The following CELF2 variants were observed in gnomAD, a reference collection of about 807,000 sequenced individuals.
CELF2 encodes the protein CUGBP Elav-like family member 2, also known as CUG triplet repeat RNA-binding protein 2.
In CELF2, 8 loss-of-function variants were observed where a neutral mutation model predicts 62.6. The ratio of observed to expected loss-of-function variants is 0.13; its 90% CI spans 0.07 to 0.23. The LOEUF is 0.23. Ranked by LOEUF, CELF2 falls within the 10% of genes least tolerant of loss-of-function variation. The pLI is 1.00. For synonymous variants in CELF2, 258 were observed against 250.0 expected (o/e 1.03, Z -0.30); for missense variants, 333 against 671.0 (o/e 0.50, Z 5.56).
At chr10:10,580,743 C>A in the CELF2 span, among the ~76,000 whole-genome samples, 1 of 152,300 alleles carries the variant, frequency 6.6e-6, no homozygotes, top group African/African-American at 2.4e-5. Flanking sequence ...GCTTTCTCCT[C>A]TTGGCAGTTC....
chr10:11,323,884 C>G (rs1209906090), intron 11 of CELF2, among the ~76,000 whole-genome samples: 1 of 151,738 alleles, frequency 6.6e-6, no homozygotes, highest in Non-Finnish European at 1.5e-5. Context: ...ATCTCAGCCA[C>G]CTTAGTTGCA....
At chr10:10,723,915 T>A in the CELF2 span, among the ~76,000 whole-genome samples, 1 of 152,190 alleles carries the variant, frequency 6.6e-6, no homozygotes, top group African/African-American at 2.4e-5. Flanking sequence ...AAGGTTTTTT[T>A]TAAAAAAATG....
chr10:10,483,848 T>C, the CELF2 span, among the ~76,000 whole-genome samples: 1 of 151,702 alleles, frequency 6.6e-6, no homozygotes, highest in African/African-American at 2.4e-5. Flanking sequence ...AAAGCCTGCT[T>C]GCCTGCCTGC....
intron 1 of CELF2, among the ~76,000 whole-genome samples, chr10:11,054,267 C>G (rs1019283738): frequency 6.6e-6 from 1 of 152,174 alleles, no homozygotes; most frequent in African/African-American, 2.4e-5. Context: ...ATTATCTTTC[C>G]TTCACCAAAG....
intron 1 of CELF2, among the ~76,000 whole-genome samples, chr10:11,114,528 G>T (rs1054839329): frequency 1.3e-5 from 2 of 152,076 alleles, no homozygotes; most frequent in African/African-American, 4.8e-5. Context: ...CACTCTCGTC[G>T]AGTCATAAAT....
Position 10,934,147 on chromosome 10 carries a change from G to C in CELF2, c.89+14148G>C, listed in dbSNP as rs1458423270. On this transcript the variant is annotated intron_variant, in intron 2 of 13. Transcript: ENST00000636488. This position sits in a 1 kb window ranked among gnomAD's most constrained non-coding sequence, Gnocchi z 4.4. ...GTAATAGCCATTTTAATTGGGGTGA[G>C]GTGATACCTTATTGTGATTTGCTTT... Among the ~76,000 whole-genome samples the C allele has an allele frequency of 6.6e-6, 1 of 152,170 alleles. No homozygotes were observed. Among genetic ancestry groups the C allele is most frequent in the Non-Finnish European group, 1.5e-5 (1 of 68,028 alleles).
At chr10:11,186,422 G>C (rs1316457447) in intron 2 of CELF2, among the ~76,000 whole-genome samples, 1 of 150,560 alleles carries the variant, frequency 6.6e-6, no homozygotes, top group African/African-American at 2.4e-5. Flanking sequence ...TGAGGTTACT[G>C]ATTTGAAATC....
chr10:11,289,504 A>G (rs1248018729), intron 9 of CELF2, among the ~76,000 whole-genome samples: 1 of 152,200 alleles, frequency 6.6e-6, no homozygotes, highest in Non-Finnish European at 1.5e-5. Flanking sequence ...CAGTTCTCAA[A>G]AGAGCAGTTG....
the CELF2 span, among the ~76,000 whole-genome samples, chr10:10,481,855 G>C: frequency 6.6e-6 from 1 of 152,066 alleles, no homozygotes; most frequent in Non-Finnish European, 1.5e-5. Context: ...TTATTCACTG[G>C]CAGAAACACA....
At chr10:11,283,442 T>TTGGA (rs1244998137) in intron 8 of CELF2, among the ~76,000 whole-genome samples, 1 of 152,042 alleles carries the variant, frequency 6.6e-6, no homozygotes, top group South Asian at 2.1e-4. Flanking sequence ...TACTGGATGG[T>TTGGA]TGGATGGATG....
the CELF2 span, among the ~76,000 whole-genome samples, chr10:10,645,910 G>A: frequency 1.3e-5 from 2 of 152,182 alleles, no homozygotes; most frequent in Admixed American, 6.5e-5. Flanking sequence ...ACTCGTTCTG[G>A]TTTTGTGTCT....
chr10:10,856,469 G>T (rs565857175), intron 1 of CELF2, among the ~76,000 whole-genome samples: 1 of 152,226 alleles, frequency 6.6e-6, no homozygotes, highest in South Asian at 2.1e-4. Flanking sequence ...GGGAAAAAAT[G>T]ACTGCATTTT....
chr10:10,486,109 T>C, the CELF2 span, among the ~76,000 whole-genome samples: 1 of 152,206 alleles, frequency 6.6e-6, no homozygotes, highest in Admixed American at 6.5e-5. Flanking sequence ...TAGTATGTTC[T>C]TTATTCTCCC....
chr10:10,979,528 G>A (rs560960980), intron 2 of CELF2, among the ~76,000 whole-genome samples: 18 of 151,852 alleles, frequency 1.2e-4, no homozygotes, highest in Non-Finnish European at 2.4e-4. Context: ...AAAATTAGCC[G>A]GGCATGGTGG....
intron 1 of CELF2, among the ~76,000 whole-genome samples, chr10:11,090,720 G>T (rs556100495): frequency 3.3e-5 from 5 of 152,162 alleles, no homozygotes; most frequent in South Asian, 2.1e-4. Flanking sequence ...AAGGAAAAAG[G>T]CTAATAATTA....
intron 1 of CELF2, among the ~76,000 whole-genome samples, chr10:11,061,279 A>G (rs1010519673): frequency 3.3e-5 from 5 of 152,266 alleles, no homozygotes; most frequent in African/African-American, 1.2e-4. Flanking sequence ...GAGCCACAAC[A>G]GTTCCTTAAG....
chr10:10,773,724 C>A, the CELF2 span, among the ~76,000 whole-genome samples: 106 of 152,290 alleles, frequency 7.0e-4, no homozygotes, highest in African/African-American at 2.2e-3. Flanking sequence ...TTTCAAAGCC[C>A]AGCCCTCCAT....
intron 2 of CELF2, among the ~76,000 whole-genome samples, chr10:10,942,217 CAA>C (rs1487974457): frequency 6.6e-6 from 1 of 152,072 alleles, no homozygotes; most frequent in Non-Finnish European, 1.5e-5. Context: ...AAAATGATTC[CAA>C]AAGTTAGCTG....
Position 11,321,083 on chromosome 10 carries a change from C to T in CELF2, c.1097-106C>T. 1 of 1,311,114 alleles carries T rather than the reference C, an allele frequency of 7.6e-7. No individual in the cohort carries two copies. The highest frequency in any genetic ancestry group is 1.8e-4 in the Middle Eastern group (1 of 5,418). The allele number at this position is 1,311,114 out of a possible 1,614,324, so 81.2% of individuals were successfully genotyped here. Reference sequence around the variant, plus strand: ...TGTCAGTGTAATTGTGTGCTAGCTGCATGTACTTGCTGTTGTACTGTGTTT... The same window carrying T: ...TGTCAGTGTAATTGTGTGCTAGCTGTATGTACTTGCTGTTGTACTGTGTTT... On this transcript the variant is annotated intron_variant, in intron 10 of 12. Transcript: ENST00000633077. The surrounding 1 kb of genome is among the most constrained non-coding windows in gnomAD (Gnocchi z 6.2).
Sources: gnomAD v4.1 joint callset for allele counts (sites outside exome capture counted in the v4.1 genomes callset) on GRCh38, gnomAD v4.1.1 for gene constraint, Gnocchi (gnomAD v3.1) non-coding constraint, MANE v1.5 for transcripts, NCBI Gene and HGNC (gene_info 2026-07-23, HGNC 2026-07-21) for gene names.